The following PPP2R2C variants were observed in gnomAD, a reference collection of about 807,000 sequenced individuals.
PPP2R2C encodes protein phosphatase 2 regulatory subunit Bgamma.
PPP2R2C carries 10 observed loss-of-function variants against 45.3 expected under a neutral mutation model. That is an observed-to-expected ratio of 0.22 (90% CI 0.14 to 0.37). The LOEUF (loss-of-function observed/expected upper bound fraction) is 0.37, where lower values mean the gene tolerates loss of function less well. PPP2R2C is among the 10% of genes least tolerant of loss of function. The pLI is 1.00. For missense variants in PPP2R2C, 308 were observed against 619.7 expected (o/e 0.50, Z 5.34); for synonymous variants, 257 against 245.4 (o/e 1.05, Z -0.44).
chr4:6,510,716 G>A (rs963105296), intron 2 of PPP2R2C, among the ~76,000 whole-genome samples: 4 of 152,076 alleles, frequency 2.6e-5, no homozygotes, highest in East Asian at 1.9e-4. Context: ...GGTGTCTCAC[G>A]CCTGTAATCC....
intron 1 of PPP2R2C, among the ~76,000 whole-genome samples, chr4:6,457,988 G>C (rs1203108571): frequency 6.6e-6 from 1 of 152,096 alleles, no homozygotes; most frequent in African/African-American, 2.4e-5. Flanking sequence ...CCATGCTTTG[G>C]GGCACAACTC....
At chr4:6,380,357 G>C (rs1408561785) in intron 2 of PPP2R2C, 1 of 152,478 alleles carries the variant, frequency 6.6e-6, no homozygotes, top group Non-Finnish European at 1.5e-5. Flanking sequence ...GTCCTGGGCA[G>C]GTTGTCCAGG....
chr4:6,494,408 T>G (rs1480945485), intron 2 of PPP2R2C, among the ~76,000 whole-genome samples: 1 of 152,100 alleles, frequency 6.6e-6, no homozygotes, highest in Non-Finnish European at 1.5e-5. Context: ...ATTCACTTAT[T>G]CAACAGACAG....
intron 2 of PPP2R2C, among the ~76,000 whole-genome samples, chr4:6,487,640 A>G (rs1382547264): frequency 1.3e-5 from 2 of 150,974 alleles, no homozygotes; most frequent in South Asian, 4.2e-4. Flanking sequence ...CTACTTTAAG[A>G]TTTTCTCTTT....
chr4:6,559,180 G>T (rs939402773), intron 1 of PPP2R2C, among the ~76,000 whole-genome samples: 1 of 152,222 alleles, frequency 6.6e-6, no homozygotes, highest in Non-Finnish European at 1.5e-5. Context: ...AAGGCAGGAA[G>T]AACTAGGTTC....
At chr4:6,510,957 A>G (rs1451139845) in intron 2 of PPP2R2C, among the ~76,000 whole-genome samples, 3 of 147,050 alleles carry the variant, frequency 2.0e-5, no homozygotes, top group South Asian at 2.2e-4. Flanking sequence ...AGCCTCGGCA[A>G]CAGAGTGAGA....
At chr4:6,442,053 G>T (rs1212967241) in intron 1 of PPP2R2C, among the ~76,000 whole-genome samples, 1 of 152,204 alleles carries the variant, frequency 6.6e-6, no homozygotes, top group South Asian at 2.1e-4. Flanking sequence ...GTGGGGGAAG[G>T]CAGCCAGCAG....
chr4:6,467,503 T>C (rs1721654503), intron 1 of PPP2R2C, among the ~76,000 whole-genome samples: 1 of 152,030 alleles, frequency 6.6e-6, no homozygotes, highest in African/African-American at 2.4e-5. Flanking sequence ...TGACCAAAAA[T>C]ACCTCCTCAA....
At chr4:6,483,145 T>TA (rs376482565) in intron 2 of PPP2R2C, among the ~76,000 whole-genome samples, 18,414 of 103,388 alleles carry the variant, frequency 0.18, 1,292 homozygotes, top group Middle Eastern at 0.23. Context: ...ATAGATAGAT[T>TA]GATTGATTGA....
chr4:6,340,773 C>T (rs889140387), intron 6 of PPP2R2C, among the ~76,000 whole-genome samples: 17 of 152,398 alleles, frequency 1.1e-4, no homozygotes, highest in Middle Eastern at 3.4e-3. Flanking sequence ...CCTACTCAGA[C>T]GGCCTTGTGG....
At chr4:6,336,689 CTGCTTCCA>C (rs1460815270) in intron 6 of PPP2R2C, among the ~76,000 whole-genome samples, 3 of 27,534 alleles carry the variant, frequency 1.1e-4, no homozygotes, top group African/African-American at 1.9e-4. Flanking sequence ...CCCTCCCTCC[CTGCTTCCA>C]TCCCTCCCTC....
chr4:6,500,224 T>C (rs1267159357), intron 2 of PPP2R2C, among the ~76,000 whole-genome samples: 1 of 152,216 alleles, frequency 6.6e-6, no homozygotes, highest in East Asian at 1.9e-4. Context: ...CTCGGCTCAC[T>C]GCAACCTCCA....
chr4:6,423,605 C>T (rs187876200), intron 1 of PPP2R2C, among the ~76,000 whole-genome samples: 1 of 152,230 alleles, frequency 6.6e-6, no homozygotes, highest in Non-Finnish European at 1.5e-5. Context: ...TAAACAGACC[C>T]AAAAAATAAT....
intron 1 of PPP2R2C, among the ~76,000 whole-genome samples, chr4:6,385,413 T>C (rs1173374977): frequency 6.6e-6 from 1 of 152,158 alleles, no homozygotes; most frequent in African/African-American, 2.4e-5. Context: ...AAATTGGTTG[T>C]TTTGGCAGCC....
rs555558958 is a variant in PPP2R2C, at chr4:6,379,367, C to T, written c.169-795G>A. On this transcript the variant is annotated intron_variant, in intron 2 of 8. Transcript: ENST00000382599. ...ACACGAAACCCCAACCAGGGAGAAA[C>T]GGAGACATTCAACCCAGAACAATTT... Among the ~76,000 whole-genome samples the T allele has an allele frequency of 7.2e-5, 11 of 152,244 alleles. No homozygotes were observed. In the South Asian group the frequency reaches 2.3e-3, roughly 32 times the overall value.
chr4:6,559,877 G>A (rs1725520838), intron 1 of PPP2R2C, among the ~76,000 whole-genome samples: 1 of 152,226 alleles, frequency 6.6e-6, no homozygotes, highest in Non-Finnish European at 1.5e-5. Context: ...GCTATATGGT[G>A]TTTTGTTACG....
rs1715541695 is a variant in PPP2R2C at position 6,378,669 on chromosome 4, T to A, written c.169-97A>T. The stretch of plus-strand genomic sequence containing the variant: ...CAGCAGGGCCGGCCGTGGGACCAAG[T>A]GCCGAGCCGTGCCAGGGATCCAATT... On this transcript the variant is annotated intron_variant, in intron 2 of 8. Transcript: ENST00000382599. This position sits in a 1 kb window ranked among gnomAD's most constrained non-coding sequence, Gnocchi z 5.2. 3.1e-6 allele frequency: 4 copies of A among 1,271,842 alleles called. No homozygotes were observed. The highest frequency in any genetic ancestry group is 2.6e-4 in the Middle Eastern group (1 of 3,920). The allele number at this position is 1,271,842 out of a possible 1,614,324, so 78.8% of individuals were successfully genotyped here. A position where few individuals can be genotyped will look rare whatever the true frequency, so the allele number is the denominator to read the frequency against.
chr4:6,503,385 T>C (rs1723121229), intron 2 of PPP2R2C, among the ~76,000 whole-genome samples: 1 of 152,226 alleles, frequency 6.6e-6, no homozygotes, highest in South Asian at 2.1e-4. Context: ...CAGCCAGTTT[T>C]CAGTAGAAGC....
At chr4:6,401,947 G>C (rs894351205) in intron 1 of PPP2R2C, among the ~76,000 whole-genome samples, 7 of 152,160 alleles carry the variant, frequency 4.6e-5, no homozygotes, top group African/African-American at 1.4e-4. Context: ...CAAGAACCCA[G>C]GCGCAAATCC....
Sources: allele counts gnomAD v4.1 joint callset (sites outside exome capture counted in the v4.1 genomes callset), GRCh38; gene constraint gnomAD v4.1.1; non-coding constraint Gnocchi (gnomAD v3.1); transcripts MANE v1.5; gene names NCBI Gene and HGNC (gene_info 2026-07-23, HGNC 2026-07-21).